NRG3: variants seen among roughly 807,000 people sequenced by gnomAD.
The protein encoded by NRG3 is neuregulin 3, also known as pro-neuregulin-3, membrane-bound isoform.
A neutral mutation model predicts 66.9 loss-of-function variants in NRG3; 31 were observed. The ratio of observed to expected loss-of-function variants is 0.46; its 90% CI spans 0.35 to 0.63. The LOEUF is 0.63. Ranked by LOEUF, NRG3 falls within the 20% of genes least tolerant of loss-of-function variation. The pLI is 0.00. For synonymous variants in NRG3, 393 were observed against 359.4 expected (o/e 1.09, Z -1.06); for missense variants, 910 against 878.9 (o/e 1.04, Z -0.45).
chr10:82,435,718 C>T (rs543995950), intron 2 of NRG3, among the ~76,000 whole-genome samples: 2 of 150,946 alleles, frequency 1.3e-5, no homozygotes, highest in Non-Finnish European at 2.9e-5. Context: ...AGGAGTCATT[C>T]AGGAGCAGGA....
In NRG3 at chr10:82,813,161, A is replaced by G. The variant is rs57394814; in HGVS notation, c.1028-52250A>G. Among the ~76,000 whole-genome samples the G allele has an allele frequency of 4.6e-5, 7 of 151,864 alleles. No homozygotes were observed. In the East Asian group the frequency reaches 1.4e-3, roughly 29 times the overall value. ...TTTGATGAGTTAATCAAGTTAAAGT[A>G]AAAAAAACACAAAGTACATTATTCA... On this transcript the variant is annotated intron_variant, in intron 3 of 8. Coordinates refer to ENST00000372141, the MANE Select transcript of NRG3 (RefSeq NM_001010848.4).
intron 2 of NRG3, among the ~76,000 whole-genome samples, chr10:82,393,939 A>T (rs967255203): frequency 6.6e-6 from 1 of 152,140 alleles, no homozygotes; most frequent in African/African-American, 2.4e-5. Context: ...AGATTCTTCC[A>T]TGTGCCTGCC....
In NRG3 at chr10:82,959,917, C is replaced by G. The variant is rs76119025; in HGVS notation, c.1284+842C>G. 8.0e-3 allele frequency among the ~76,000 whole-genome samples: 1,225 copies of G among 152,296 alleles called. 21 individuals are homozygous for G. The highest frequency in any genetic ancestry group is 0.028 in the African/African-American group (1,183 of 41,560). ...GTGTAATACATGCAGATATATTCCTCTTAGGTTAGCAATTCTTTGACCCCA... is the reference window on the plus strand; with the variant it reads ...GTGTAATACATGCAGATATATTCCTGTTAGGTTAGCAATTCTTTGACCCCA... On this transcript the variant is annotated intron_variant, in intron 6 of 8. Coordinates refer to ENST00000372141, the MANE Select transcript of NRG3 (RefSeq NM_001010848.4).
intron 3 of NRG3, among the ~76,000 whole-genome samples, chr10:82,834,019 T>G (rs144468884): frequency 1.3e-5 from 2 of 152,328 alleles, no homozygotes; most frequent in East Asian, 3.9e-4. Flanking sequence ...TTTTTATTTT[T>G]TCTTTTCCAA....
intron 1 of NRG3, among the ~76,000 whole-genome samples, chr10:81,966,721 T>C (rs558081686): frequency 1.2e-4 from 18 of 152,330 alleles, no homozygotes; most frequent in Non-Finnish European, 2.1e-4. Context: ...GTCATCTTAC[T>C]AGTATACCAA....
At position 82,647,532 on chromosome 10, in the gene NRG3, G is replaced by A. The variant is rs1001955387; in HGVS notation, c.954-91045G>A. ...TGGGTATATATCCAGTAATGGGATG[G>A]CTGGGCCAAATGGTATTTCTAGTTC... is the stretch of plus-strand genomic sequence containing the variant. On this transcript the variant is annotated intron_variant, in intron 2 of 8. Transcript: ENST00000372141. 7.9e-5 allele frequency among the ~76,000 whole-genome samples: 12 copies of A among 152,186 alleles called. 1 individual carries two copies. The South Asian group carries it at 2.1e-3, about 26-fold the overall frequency.
intron 4 of NRG3, among the ~76,000 whole-genome samples, chr10:82,900,593 A>C (rs935118351): frequency 3.3e-5 from 5 of 152,340 alleles, no homozygotes; most frequent in South Asian, 2.1e-4. Flanking sequence ...TAAAATAAAC[A>C]GTACTTATAT....
chr10:82,388,085 A>G (rs1822063096), intron 2 of NRG3, among the ~76,000 whole-genome samples: 3 of 152,298 alleles, frequency 2.0e-5, no homozygotes, highest in Middle Eastern at 3.4e-3. Context: ...GATCTTACAT[A>G]TATCCTAGTA....
At chr10:82,961,864 AG>A (rs1190220299) in intron 6 of NRG3, among the ~76,000 whole-genome samples, 1 of 152,184 alleles carries the variant, frequency 6.6e-6, no homozygotes, top group East Asian at 1.9e-4. Flanking sequence ...CGGGTTATTC[AG>A]GCATATTTCA....
intron 2 of NRG3, among the ~76,000 whole-genome samples, chr10:82,672,209 T>A (rs1168714717): frequency 6.6e-6 from 1 of 152,086 alleles, no homozygotes; most frequent in Non-Finnish European, 1.5e-5. Context: ...AAGAAATGTT[T>A]TAGGCAGTGG....
intron 2 of NRG3, among the ~76,000 whole-genome samples, chr10:82,558,506 G>C (rs2044799401): frequency 6.6e-6 from 1 of 152,064 alleles, no homozygotes; most frequent in Non-Finnish European, 1.5e-5. Context: ...TTAAAAGCAG[G>C]GTGAGCAGCA....
At chr10:82,116,152 T>G (rs935953044) in intron 1 of NRG3, among the ~76,000 whole-genome samples, 3 of 152,156 alleles carry the variant, frequency 2.0e-5, no homozygotes, top group Admixed American at 6.6e-5. Context: ...CAATAATGAC[T>G]ACATTATTCC....
At chr10:81,977,622 CTT>C (rs1490568112) in intron 1 of NRG3, among the ~76,000 whole-genome samples, 7 of 152,108 alleles carry the variant, frequency 4.6e-5, no homozygotes, top group Non-Finnish European at 8.8e-5. Flanking sequence ...CCAAAATACT[CTT>C]TGTCATTAAT....
intron 1 of NRG3, among the ~76,000 whole-genome samples, chr10:82,268,893 A>G (rs2078444531): frequency 6.6e-6 from 1 of 152,070 alleles, no homozygotes; most frequent in Admixed American, 6.6e-5. Context: ...ATGGTGCCCC[A>G]AGAGTACTAT....
intron 1 of NRG3, among the ~76,000 whole-genome samples, chr10:82,122,514 A>G (rs993720977): frequency 6.6e-6 from 1 of 152,128 alleles, no homozygotes; most frequent in African/African-American, 2.4e-5. Context: ...TTATGTTATC[A>G]TTCTTTCAGT....
intron 1 of NRG3, among the ~76,000 whole-genome samples, chr10:82,091,998 A>G (rs1001353327): frequency 1.3e-5 from 2 of 152,186 alleles, no homozygotes; most frequent in East Asian, 1.9e-4. Flanking sequence ...AAACATGACA[A>G]TAATTAGGAT....
At chr10:82,108,227 G>T (rs1357885370) in intron 1 of NRG3, among the ~76,000 whole-genome samples, 2 of 152,170 alleles carry the variant, frequency 1.3e-5, no homozygotes, top group Admixed American at 1.3e-4. Flanking sequence ...ATTAATATTG[G>T]TCTTCATCCC....
chr10:81,903,317 G>A (rs1472302297), intron 1 of NRG3, among the ~76,000 whole-genome samples: 8 of 152,124 alleles, frequency 5.3e-5, no homozygotes, highest in Admixed American at 5.2e-4. Context: ...TTCCAGATAT[G>A]TTGGAAAGAG....
At chr10:82,933,236 TTTTATTTA>T (rs150686836) in intron 4 of NRG3, among the ~76,000 whole-genome samples, 2 of 151,680 alleles carry the variant, frequency 1.3e-5, no homozygotes, top group Admixed American at 6.6e-5. Context: ...GGACTGTGGC[TTTTATTTA>T]TTTATTTATT....
Sources: gnomAD v4.1 joint callset for allele counts (sites outside exome capture counted in the v4.1 genomes callset) on GRCh38, gnomAD v4.1.1 for gene constraint, MANE v1.5 for transcripts, NCBI Gene and HGNC (gene_info 2026-07-23, HGNC 2026-07-21) for gene names.